The following LAMA2 variants were observed in gnomAD, a reference collection of about 807,000 sequenced individuals.
LAMA2 encodes laminin subunit alpha 2.
A neutral mutation model predicts 364.8 loss-of-function variants in LAMA2; 269 were observed. The ratio of observed to expected loss-of-function variants is 0.74; its 90% CI spans 0.67 to 0.82. LAMA2 has a LOEUF of 0.82. LAMA2 is among the 40% of genes least tolerant of loss of function. LAMA2 has a pLI of 0.00. For synonymous variants in LAMA2, 1,379 were observed against 1,370.6 expected (o/e 1.01, Z -0.14); for missense variants, 3,807 against 3,873.2 (o/e 0.98, Z 0.45).
intron 12 of LAMA2, among the ~76,000 whole-genome samples, chr6:129,229,062 G>A (rs186104551): frequency 4.3e-4 from 65 of 152,280 alleles, no homozygotes; most frequent in African/African-American, 1.5e-3. Flanking sequence ...TTTGATTCCA[G>A]TTATATTAAC....
intron 21 of LAMA2, among the ~76,000 whole-genome samples, chr6:129,299,730 C>T (rs1773428654): frequency 6.6e-6 from 1 of 152,134 alleles, no homozygotes; most frequent in Admixed American, 6.5e-5. Flanking sequence ...TTAGTGTTTA[C>T]TCGGTGTAAA....
intron 1 of LAMA2, among the ~76,000 whole-genome samples, chr6:128,974,605 A>T (rs576425178): frequency 6.6e-6 from 1 of 152,312 alleles, no homozygotes; most frequent in East Asian, 1.9e-4. Context: ...CAAAGTTAAT[A>T]TATTTCCTGG....
chr6:128,944,474 T>C (rs1780369401), intron 1 of LAMA2, among the ~76,000 whole-genome samples: 1 of 151,992 alleles, frequency 6.6e-6, no homozygotes. Flanking sequence ...ATTGCTAAAA[T>C]CCTAAAGACT....
chr6:129,353,188 T>A lies in LAMA2; in HGVS notation c.4548T>A (p.Ser1516Arg). 6.2e-7 allele frequency: 1 copy of A among 1,613,866 alleles called. No homozygotes were observed. Among genetic ancestry groups the A allele is most frequent in the Non-Finnish European group, 8.5e-7 (1 of 1,179,832 alleles). The change falls in exon 32 of 65, where the codon AGT becomes AGA. Residue 1516 changes from serine to arginine, a missense_variant. Transcript: ENST00000421865. ...CERCAPGYTG[S>R]PGNPGGSCQE... ...GGTGTGCCCCTGGCTATACTGGCAGTCCAGGCAACCCTGGAGGCTCCTGCC... is the reference window on the plus strand; with the variant it reads ...GGTGTGCCCCTGGCTATACTGGCAGACCAGGCAACCCTGGAGGCTCCTGCC...
intron 5 of LAMA2, among the ~76,000 whole-genome samples, chr6:129,146,252 T>G (rs1200661761): frequency 6.6e-6 from 1 of 151,988 alleles, no homozygotes; most frequent in Non-Finnish European, 1.5e-5. Flanking sequence ...CTGACAATTA[T>G]AAAATGTTAT....
At chr6:129,292,891 C>T in intron 20 of LAMA2, 2 of 985,844 alleles carry the variant, frequency 2.0e-6, no homozygotes, top group Non-Finnish European at 2.4e-6. Flanking sequence ...TGTGATATTA[C>T]AGGAAGATGT....
chr6:128,930,124 G>T (rs1274795351), intron 1 of LAMA2: 2 of 272,962 alleles, frequency 7.3e-6, no homozygotes, highest in Non-Finnish European at 1.3e-5. Flanking sequence ...GCCGCGCCCG[G>T]CAGCTACAGC....
At chr6:129,297,659 AT>A (rs1223467698) in intron 20 of LAMA2, 25 bp from the exon 21 acceptor site, 1 of 1,610,804 alleles carries the variant, frequency 6.2e-7, no homozygotes, top group Admixed American at 1.7e-5. Flanking sequence ...TTTAAATTTA[AT>A]TTTTCTCTCC....
At chr6:129,476,285 A>G (rs1784064121) in intron 53 of LAMA2, among the ~76,000 whole-genome samples, 1 of 152,234 alleles carries the variant, frequency 6.6e-6, no homozygotes, top group East Asian at 1.9e-4. Context: ...TAAGAGAAAT[A>G]GAATATACAG....
Position 129,502,672 on chromosome 6 carries a change from C to A in LAMA2, c.8258C>A (p.Ala2753Glu), listed in dbSNP as rs1785740545. ...GGTATTTTACAGGGTCCTTGTGCTG[C>A]AGAATCAGAACCAGCTCTTTTGATA... Reference protein sequence around the residue: ...TPVLTHGPCAAESEPALLIGS... With the variant: ...TPVLTHGPCAEESEPALLIGS... The change falls in exon 59 of 65, where the codon GCA (alanine) becomes GAA (glutamate). Residue 2753 changes from alanine (A) to glutamate (E), a missense_variant. By Grantham distance (107) the Ala-to-Glu change is moderately radical. This residue lies in a region of LAMA2 where 3,333 missense variants were observed against 3,345.7 expected (regional missense o/e 1.00). Coordinates refer to ENST00000421865, the MANE Select transcript of LAMA2 (RefSeq NM_000426.4). The A allele has an allele frequency of 6.2e-7, 1 of 1,613,132 alleles. No individual in the cohort carries two copies. The highest frequency in any genetic ancestry group is 1.7e-5 in the Admixed American group (1 of 60,000).
chr6:128,908,216 G>C (rs1257551070), intron 1 of LAMA2, among the ~76,000 whole-genome samples: 4 of 149,490 alleles, frequency 2.7e-5, no homozygotes, highest in East Asian at 2.0e-4. Context: ...AATGGTACCA[G>C]TTCCTCCTTG....
intron 12 of LAMA2, among the ~76,000 whole-genome samples, chr6:129,211,619 C>T (rs1783106468): frequency 6.6e-6 from 1 of 152,232 alleles, no homozygotes; most frequent in Non-Finnish European, 1.5e-5. Flanking sequence ...TTTCTTCTCA[C>T]AATGTCCCTT....
At chr6:129,118,805 G>T (rs1562253783) in intron 4 of LAMA2, among the ~76,000 whole-genome samples, 1 of 152,122 alleles carries the variant, frequency 6.6e-6, no homozygotes, top group African/African-American at 2.4e-5. Context: ...GTTTTTAATT[G>T]CTTCCCTAAA....
chr6:129,250,766 T>G (rs1467455621), intron 13 of LAMA2, among the ~76,000 whole-genome samples: 1 of 152,114 alleles, frequency 6.6e-6, no homozygotes, highest in Non-Finnish European at 1.5e-5. Flanking sequence ...CCACCCTTTC[T>G]TATCATATCC....
chr6:128,904,491 G>A (rs1023352872), intron 1 of LAMA2, among the ~76,000 whole-genome samples: 1 of 117,924 alleles, frequency 8.5e-6, no homozygotes, highest in Non-Finnish European at 1.7e-5. Context: ...GTCTCACCCT[G>A]TTGCCCAGGC....
intron 46 of LAMA2, 59 bp downstream of exon 46, chr6:129,453,190 C>A: frequency 2.0e-6 from 3 of 1,480,932 alleles, no homozygotes. Flanking sequence ...AGAGGTTAAT[C>A]TGAAAATGTA....
At chr6:129,113,834 AAAT>A (rs1255544457) in intron 4 of LAMA2, among the ~76,000 whole-genome samples, 2 of 151,958 alleles carry the variant, frequency 1.3e-5, no homozygotes, top group African/African-American at 4.8e-5. Context: ...GGGAGGCTAG[AAAT>A]AACCATCATC....
rs776780831 is a variant in LAMA2, at chr6:129,427,849, T to G, written c.5963T>G (p.Val1988Gly). Residue 1988 changes from valine (V) to glycine (G), a missense_variant, in exon 41 of 65, where the codon GTA becomes GGA. This residue lies in a region of LAMA2 where 3,333 missense variants were observed against 3,345.7 expected (regional missense o/e 1.00). Transcript: ENST00000421865. ...LNEAKKLAND[V>G]KENEDHLNGL... is the part of the protein sequence containing the mutation. Reference sequence around the variant, plus strand: ...GAAGCCAAGAAGTTAGCAAATGATGTAAAAGGTCAGTGTGGCCATAGTTTT... The same window carrying G: ...GAAGCCAAGAAGTTAGCAAATGATGGAAAAGGTCAGTGTGGCCATAGTTTT... 1 of 1,605,006 alleles carries G rather than the reference T, an allele frequency of 6.2e-7. No homozygotes were observed. The highest frequency in any genetic ancestry group is 8.5e-7 in the Non-Finnish European group (1 of 1,171,932).
In LAMA2 at chr6:129,456,369, C is replaced by A; in HGVS notation, c.6742C>A (p.Leu2248Met). ...GRNGTISVRA[L>M]DGPKASIVPS... The stretch of plus-strand genomic sequence containing the variant: ...AAATGGAACTATTTCTGTGAGAGCC[C>A]TGGATGGACCCAAAGCCAGCATTGT... Residue 2248 changes from leucine (L) to methionine (M), a missense_variant, in exon 48 of 65, where the codon CTG becomes ATG. Leu to Met is a conservative substitution (Grantham distance 15). This residue lies in a region of LAMA2 where 3,333 missense variants were observed against 3,345.7 expected (regional missense o/e 1.00). Transcript: ENST00000421865. 1 of 1,613,638 alleles carries A rather than the reference C, an allele frequency of 6.2e-7. No homozygotes were observed. The highest frequency in any genetic ancestry group is 8.5e-7 in the Non-Finnish European group (1 of 1,179,678).
Sources: allele counts gnomAD v4.1 joint callset (sites outside exome capture counted in the v4.1 genomes callset), GRCh38; gene constraint gnomAD v4.1.1; regional missense constraint gnomAD v4.1.1; transcripts MANE v1.5; gene names NCBI Gene and HGNC (gene_info 2026-07-23, HGNC 2026-07-21).